The following CPNE5 variants were observed in gnomAD, a reference collection of about 807,000 sequenced individuals.
The protein encoded by CPNE5 is copine-5.
Under a neutral mutation model 81.1 loss-of-function variants are expected in CPNE5, and 42 were observed. That is an observed-to-expected ratio of 0.52 (90% confidence interval 0.40 to 0.67). The LOEUF (loss-of-function observed/expected upper bound fraction) is 0.67. Among genes scored for constraint, CPNE5 ranks in the 30% least tolerant of loss-of-function variants. The probability of loss-of-function intolerance (pLI) is 0.00; values close to 1 mark genes in which losing one functional copy is unlikely to be tolerated. For synonymous variants in CPNE5, 313 were observed against 321.5 expected, an observed-to-expected ratio of 0.97 and a Z score of 0.28; for missense variants, 612 against 815.5, an observed-to-expected ratio of 0.75 and a Z score of 3.04.
chr6:36,744,383 G>A (rs1763892408), intron 18 of CPNE5, 58 bp from the exon 19 acceptor site: 2 of 1,400,692 alleles, frequency 1.4e-6, no homozygotes, highest in Admixed American at 2.0e-5. Flanking sequence ...CCAGTTAAAA[G>A]GAAGGAGAAA....
At chr6:36,799,415 C>T (rs1769902263) in intron 4 of CPNE5, among the ~76,000 whole-genome samples, 1 of 152,114 alleles carries the variant, frequency 6.6e-6, no homozygotes, top group Admixed American at 6.6e-5. Context: ...CATCCCATAC[C>T]CCATAAAAAC....
At chr6:36,827,837 G>A (rs1164431591) in intron 1 of CPNE5, 6 of 809,200 alleles carry the variant, frequency 7.4e-6, no homozygotes, top group Non-Finnish European at 9.0e-6. Flanking sequence ...TCTTTGGAGA[G>A]CACAAAGAGA....
chr6:36,751,922 C>A (rs1764879574), intron 14 of CPNE5, among the ~76,000 whole-genome samples: 1 of 152,004 alleles, frequency 6.6e-6, no homozygotes, highest in East Asian at 1.9e-4. Context: ...GAGAGGGAAG[C>A]AATTTTGATG....
intron 1 of CPNE5, among the ~76,000 whole-genome samples, chr6:36,831,284 A>ACC (rs901801357): frequency 2.0e-5 from 3 of 151,690 alleles, no homozygotes; most frequent in African/African-American, 7.3e-5. Flanking sequence ...TGAACTCCTG[A>ACC]CCTCAAGTGA....
intron 11 of CPNE5, among the ~76,000 whole-genome samples, chr6:36,764,930 C>T (rs368861389): frequency 2.6e-5 from 4 of 151,694 alleles, no homozygotes; most frequent in Non-Finnish European, 4.4e-5. Flanking sequence ...ATGCTTAGCC[C>T]GAGTCTTCAC....
chr6:36,794,772 G>A, intron 6 of CPNE5, 123 bp from the exon 7 acceptor site: 2 of 840,434 alleles, frequency 2.4e-6, no homozygotes, highest in South Asian at 3.2e-5. Flanking sequence ...ATTAAAACAG[G>A]ATCAAAGCCA....
At chr6:36,830,266 G>T (rs1418923842) in intron 1 of CPNE5, among the ~76,000 whole-genome samples, 2 of 152,198 alleles carry the variant, frequency 1.3e-5, no homozygotes, top group African/African-American at 4.8e-5. Context: ...GGCCAGCAAT[G>T]CTCCGTCTTA....
intron 3 of CPNE5, among the ~76,000 whole-genome samples, chr6:36,817,266 A>G (rs1039956916): frequency 1.3e-5 from 2 of 152,198 alleles, no homozygotes; most frequent in Non-Finnish European, 2.9e-5. Context: ...CAGAGGTTGT[A>G]GTGAGCTGAG....
chr6:36,793,148 G>C (rs1313013786), intron 7 of CPNE5, among the ~76,000 whole-genome samples: 1 of 152,142 alleles, frequency 6.6e-6, no homozygotes, highest in Non-Finnish European at 1.5e-5. Flanking sequence ...CCAGCATGCT[G>C]TCTGTGGAAC....
In CPNE5 at chr6:36,833,769, A is replaced by T. The variant is rs571813884; in HGVS notation, c.95+5514T>A. 1.8e-4 allele frequency among the ~76,000 whole-genome samples: 28 copies of T among 152,336 alleles called. 1 individual carries two copies. Among genetic ancestry groups the T allele is most frequent in the Admixed American group, 1.8e-3 (28 of 15,304 alleles). On this transcript the variant is annotated intron_variant, in intron 1 of 20. Transcript: ENST00000244751. ...CCAATACCTTGATTCCAGCCTAGTG[A>T]GACCCTGAGCAGAAAAGCCACTTTA... is the stretch of plus-strand genomic sequence containing the variant.
chr6:36,789,073 G>T (rs1768861946), intron 8 of CPNE5, among the ~76,000 whole-genome samples: 1 of 152,212 alleles, frequency 6.6e-6, no homozygotes, highest in South Asian at 2.1e-4. Flanking sequence ...CTGTTCAGAT[G>T]TAATTATTTT....
intron 3 of CPNE5, among the ~76,000 whole-genome samples, chr6:36,809,405 A>T (rs987675102): frequency 6.6e-6 from 1 of 152,078 alleles, no homozygotes; most frequent in African/African-American, 2.4e-5. Context: ...GTGAGATCCC[A>T]TCTCCACAAA....
chr6:36,827,871 TA>T (rs1772642378), intron 1 of CPNE5: 4 of 407,638 alleles, frequency 9.8e-6, no homozygotes, highest in East Asian at 1.1e-3. Flanking sequence ...AGGAAAAACG[TA>T]TTTTTTTTTT....
Position 36,799,952 on chromosome 6 carries a change from C to T in CPNE5, c.287+15G>A. Reference sequence around the variant, plus strand: ...TCCCCACCTGGCTGCATCTTCAGCACCATCTTCCACTTACAGATCAAAACG... The same window carrying T: ...TCCCCACCTGGCTGCATCTTCAGCATCATCTTCCACTTACAGATCAAAACG... On this transcript the variant is annotated intron_variant, in intron 4 of 20. Coordinates refer to ENST00000244751, the MANE Select transcript of CPNE5 (RefSeq NM_020939.2). 6.3e-7 allele frequency: 1 copy of T among 1,583,478 alleles called. No homozygotes were observed. Among genetic ancestry groups the T allele is most frequent in the Non-Finnish European group, 8.7e-7 (1 of 1,152,274 alleles).
chr6:36,807,994 G>C (rs1770748053), intron 3 of CPNE5, among the ~76,000 whole-genome samples: 1 of 152,242 alleles, frequency 6.6e-6, no homozygotes, highest in Non-Finnish European at 1.5e-5. Flanking sequence ...AAGTAAAGGA[G>C]AGAGGTCGCC....
At chr6:36,792,166 A>G (rs1030531208) in intron 7 of CPNE5, 70 bp from the exon 8 acceptor site, 42 of 1,458,774 alleles carry the variant, frequency 2.9e-5, no homozygotes, top group African/African-American at 1.5e-4. Flanking sequence ...CACTCCCTCA[A>G]TCAGCCCCCT....
chr6:36,802,898 T>A (rs960637062), intron 3 of CPNE5, among the ~76,000 whole-genome samples: 4 of 151,672 alleles, frequency 2.6e-5, no homozygotes, highest in African/African-American at 7.3e-5. Context: ...TAAAAAAAAA[T>A]AAAATAAAAT....
At chr6:36,827,367 G>A in intron 1 of CPNE5, 1 of 985,362 alleles carries the variant, frequency 1.0e-6, no homozygotes, top group Middle Eastern at 5.2e-4. Flanking sequence ...TGAACAATGG[G>A]CCTCGCACTT....
chr6:36,835,290 G>A (rs183082403), intron 1 of CPNE5, among the ~76,000 whole-genome samples: 20 of 152,306 alleles, frequency 1.3e-4, no homozygotes, highest in East Asian at 3.9e-4. Context: ...AAATAGTGGC[G>A]CCTTTGGAGA....
Sources: gnomAD v4.1 joint callset for allele counts (sites outside exome capture counted in the v4.1 genomes callset) on GRCh38, gnomAD v4.1.1 for gene constraint, MANE v1.5 for transcripts, NCBI Gene and HGNC (gene_info 2026-07-23, HGNC 2026-07-21) for gene names.